Variants in ZFAND4 observed in about 807,000 individuals in gnomAD.
The protein encoded by ZFAND4 is AN1-type zinc finger protein 4.
ZFAND4 carries 43 observed loss-of-function variants against 64.4 expected under a neutral mutation model. The ratio of observed to expected loss-of-function variants is 0.67; its 90% confidence interval spans 0.52 to 0.86. The LOEUF is 0.86. ZFAND4 is among the 40% of genes least tolerant of loss of function. The pLI is 0.00. For missense variants in ZFAND4, 929 were observed against 859.8 expected, an observed-to-expected ratio of 1.08 and a Z score of -1.01; for synonymous variants, 296 against 305.7, an observed-to-expected ratio of 0.97 and a Z score of 0.33.
chr10:45,620,517 A>G (rs1159462221), intron 8 of ZFAND4, among the ~76,000 whole-genome samples: 2 of 152,162 alleles, frequency 1.3e-5, no homozygotes, highest in South Asian at 2.1e-4. Context: ...GTGTAGAGAC[A>G]GAGAATACAT....
At chr10:45,643,368 C>A (rs993473874) in intron 5 of ZFAND4, among the ~76,000 whole-genome samples, 2 of 151,762 alleles carry the variant, frequency 1.3e-5, no homozygotes, top group East Asian at 1.9e-4. Flanking sequence ...CCTTATCTAT[C>A]TTTCTGCTTA....
At chr10:45,628,856 T>C (rs1424694423) in intron 6 of ZFAND4, among the ~76,000 whole-genome samples, 1 of 123,880 alleles carries the variant, frequency 8.1e-6, no homozygotes, top group Non-Finnish European at 1.6e-5. Flanking sequence ...ATGCCTGTGG[T>C]GACAGACAGG....
intron 9 of ZFAND4, chr10:45,617,751 C>T (rs1031720279): frequency 6.6e-6 from 1 of 151,958 alleles, no homozygotes; most frequent in Non-Finnish European, 1.5e-5. Context: ...AAAGGTCATA[C>T]TTTTTTGGAA....
chr10:45,658,970 A>G (rs922153556), intron 2 of ZFAND4, among the ~76,000 whole-genome samples: 1 of 152,206 alleles, frequency 6.6e-6, no homozygotes, highest in African/African-American at 2.4e-5. Context: ...CACCATAAGA[A>G]AATCTGTTGA....
intron 6 of ZFAND4, among the ~76,000 whole-genome samples, chr10:45,635,146 A>G (rs987706573): frequency 6.6e-6 from 1 of 150,570 alleles, no homozygotes; most frequent in Non-Finnish European, 1.5e-5. Context: ...AATAATCCTA[A>G]AATTTACATG....
intron 2 of ZFAND4, among the ~76,000 whole-genome samples, chr10:45,660,953 T>C (rs1455580367): frequency 6.6e-6 from 1 of 152,066 alleles, no homozygotes. Context: ...AAGATCTACA[T>C]AAAGAAAGCA....
chr10:45,637,621 G>A (rs1304478701), intron 6 of ZFAND4, among the ~76,000 whole-genome samples: 2 of 151,684 alleles, frequency 1.3e-5, no homozygotes, highest in Admixed American at 6.6e-5. Context: ...GTGGAGATGC[G>A]CACCCGTAAT....
intron 3 of ZFAND4, among the ~76,000 whole-genome samples, chr10:45,652,348 A>T (rs2047813647): frequency 1.3e-5 from 2 of 152,196 alleles, no homozygotes; most frequent in Admixed American, 1.3e-4. Context: ...CATGCCGGAG[A>T]CCCAAAGTGC....
intron 5 of ZFAND4, chr10:45,640,423 T>TAAAAAAAAAA: frequency 1.1e-6 from 1 of 917,008 alleles, no homozygotes; most frequent in Non-Finnish European, 1.3e-6. Flanking sequence ...AGATTCTCAC[T>TAAAAAAAAAA]AAAAAAAAAA....
At chr10:45,656,032 C>G (rs963321096) in intron 2 of ZFAND4, among the ~76,000 whole-genome samples, 1 of 150,880 alleles carries the variant, frequency 6.6e-6, no homozygotes, top group East Asian at 2.0e-4. Flanking sequence ...GAGATCAAGA[C>G]CATCCTGGCT....
chr10:45,670,297 G>A (rs1246659281), intron 1 of ZFAND4, among the ~76,000 whole-genome samples: 1 of 151,166 alleles, frequency 6.6e-6, no homozygotes, highest in African/African-American at 2.4e-5. Flanking sequence ...TGTGATCTTG[G>A]CTCACCACAA....
Position 45,626,617 on chromosome 10 carries a change from A to G in ZFAND4, c.1206T>C (p.Ala402=), listed in dbSNP as rs772615401. ...CATCAGCATTTCCTTCTGCAAATGA[A>G]GCCAGTGAGCCCACTTTAGGTAGAA... ...QSLLPKVGSL[A]SFAEGNADEQ... The change falls in exon 7 of 10, where the codon GCT becomes GCC. Residue 402 remains alanine (A), a synonymous_variant. Transcript: ENST00000344646. 1 of 1,614,228 alleles carries G rather than the reference A, an allele frequency of 6.2e-7. No individual in the cohort carries two copies. Among genetic ancestry groups the G allele is most frequent in the South Asian group, 1.1e-5 (1 of 91,086 alleles).
At chr10:45,640,955 C>T (rs572337767) in intron 5 of ZFAND4, among the ~76,000 whole-genome samples, 1 of 152,150 alleles carries the variant, frequency 6.6e-6, no homozygotes, top group African/African-American at 2.4e-5. Context: ...ACCACAGCGA[C>T]GTTATTCATA....
intron 1 of ZFAND4, among the ~76,000 whole-genome samples, chr10:45,672,031 A>C (rs2049232719): frequency 6.6e-6 from 1 of 152,182 alleles, no homozygotes; most frequent in South Asian, 2.1e-4. Flanking sequence ...ATTTTCCCCA[A>C]CATAAAGATA....
intron 2 of ZFAND4, among the ~76,000 whole-genome samples, chr10:45,659,209 A>G (rs1167184778): frequency 6.6e-6 from 1 of 152,162 alleles, no homozygotes; most frequent in Non-Finnish European, 1.5e-5. Context: ...GCTAAGATAC[A>G]CTTTGAAGGT....
chr10:45,643,423 C>A (rs185029167), intron 5 of ZFAND4, among the ~76,000 whole-genome samples: 75 of 151,534 alleles, frequency 4.9e-4, no homozygotes, highest in African/African-American at 1.7e-3. Context: ...GTAATCCCAG[C>A]ACTTTGGGAG....
intron 6 of ZFAND4, among the ~76,000 whole-genome samples, chr10:45,633,483 T>A (rs1056244830): frequency 2.0e-5 from 3 of 151,698 alleles, no homozygotes; most frequent in African/African-American, 7.3e-5. Context: ...AATGAGAAGA[T>A]CCCTTGGTCC....
At position 45,626,770 on chromosome 10, in the gene ZFAND4, C is replaced by G. The variant is rs767145558; in HGVS notation, c.1053G>C (p.Glu351Asp). 4 of 1,614,080 alleles carry G rather than the reference C, an allele frequency of 2.5e-6. No individual in the cohort carries two copies. Among genetic ancestry groups the G allele is most frequent in the Non-Finnish European group, 3.4e-6 (4 of 1,180,040 alleles). The part of the protein sequence containing the change: ...IPHLELGNDQ[E>D]LADSVLHLGS... ...CAAGATGGAGAACAGAGTCAGCAAG[C>G]TCCTGGTCATTTCCCAACTCCAAAT... Residue 351 changes from glutamate to aspartate, a missense_variant, in exon 7 of 10, where the codon GAG (glutamate) becomes GAC (aspartate). Glu to Asp is a conservative substitution (Grantham distance 45). Coordinates refer to ENST00000344646, the MANE Select transcript of ZFAND4 (RefSeq NM_174890.4).
At chr10:45,633,373 A>G (rs553875702) in intron 6 of ZFAND4, among the ~76,000 whole-genome samples, 1 of 152,272 alleles carries the variant, frequency 6.6e-6, no homozygotes. Context: ...TACAAACAAT[A>G]TTCTCTGAGT....
Sources: gnomAD v4.1 joint callset for allele counts (sites outside exome capture counted in the v4.1 genomes callset) on GRCh38, gnomAD v4.1.1 for gene constraint, MANE v1.5 for transcripts, NCBI Gene and HGNC (gene_info 2026-07-23, HGNC 2026-07-21) for gene names.